Variants in ZNFX1 observed in about 807,000 individuals in gnomAD.
ZNFX1 encodes zinc finger NFX1-type containing 1.
ZNFX1 carries 78 observed loss-of-function variants against 179.8 expected under a neutral mutation model. That is an observed-to-expected ratio of 0.43 (90% CI 0.36 to 0.52). The LOEUF is 0.52. ZNFX1 is among the 20% of genes least tolerant of loss of function. ZNFX1 has a pLI of 0.00. For synonymous variants in ZNFX1, 848 were observed against 868.5 expected (o/e 0.98, Z 0.42); for missense variants, 1,927 against 2,386.6 (o/e 0.81, Z 4.01).
At chr20:49,277,220 G>A (rs576182567) in intron 1 of ZNFX1, among the ~76,000 whole-genome samples, 1 of 152,278 alleles carries the variant, frequency 6.6e-6, no homozygotes, top group East Asian at 1.9e-4. Flanking sequence ...GGAGGCTGAG[G>A]TCGGAGGCAG....
chr20:49,249,444 T>C lies in ZNFX1; in HGVS notation c.3580A>G (p.Ile1194Val), dbSNP rs1361105922. 3.7e-6 allele frequency: 6 copies of C among 1,614,122 alleles called. No homozygotes were observed. In the African/African-American group the frequency reaches 8.0e-5, roughly 22 times the overall value. ...VDKYQGEEND[I>V]ILLSLVRSNQ... is the part of the protein sequence containing the mutation. The stretch of plus-strand genomic sequence containing the variant: ...CTCCGCACTAGCGAGAGGAGGATGA[T>C]GTCATTCTCTTCCCCTTGGTATTTG... Residue 1194 changes from isoleucine to valine, a missense_variant, in exon 14 of 14, where the codon ATC (isoleucine) becomes GTC (valine). By Grantham distance (29) the Ile-to-Val change is conservative. Coordinates refer to ENST00000396105, the MANE Select transcript of ZNFX1 (RefSeq NM_021035.3).
rs779117062 is a variant in ZNFX1 at position 49,260,491 on chromosome 20, A to G, written c.2388T>C (p.Ser796=). The G allele has an allele frequency of 2.5e-6, 4 of 1,613,316 alleles. No individual in the cohort carries two copies. In the South Asian group the frequency reaches 4.4e-5, roughly 18 times the overall value. The change falls in exon 7 of 14, where the codon AGT becomes AGC. Residue 796 remains serine (S), a synonymous_variant. Coordinates refer to ENST00000396105, the MANE Select transcript of ZNFX1 (RefSeq NM_021035.3). ...LGLGVGSFTQ[S]VSPAGPENTA... is the part of the protein sequence containing the mutation. ...TATTCTCAGGTCCTGCTGGAGAAAC[A>G]CTTTGCGTGAAAGAACCGACACCAA...
At chr20:49,260,699 TGG>T in intron 6 of ZNFX1, 122 bp from the exon 7 acceptor site, 1 of 663,598 alleles carries the variant, frequency 1.5e-6, no homozygotes, top group Non-Finnish European at 2.5e-6. Flanking sequence ...CCCAGCAATT[TGG>T]AAGGCCAAGG....
At chr20:49,262,984 C>T (rs1319403814) in intron 6 of ZNFX1, among the ~76,000 whole-genome samples, 2 of 152,140 alleles carry the variant, frequency 1.3e-5, no homozygotes, top group East Asian at 1.9e-4. Context: ...CCTGTAAGAA[C>T]AAAGATCTGT....
chr20:49,257,106 C>T lies in ZNFX1; in HGVS notation c.2664+311G>A, dbSNP rs571491461. Among the ~76,000 whole-genome samples the T allele has an allele frequency of 8.6e-4, 131 of 152,308 alleles. 3 individuals are homozygous for T. The South Asian group carries it at 0.027, about 31-fold the overall frequency. On this transcript the variant is annotated intron_variant, in intron 8 of 13. Coordinates refer to ENST00000396105, the MANE Select transcript of ZNFX1 (RefSeq NM_021035.3). ...ATTTGAAATAGAGAAAACAACACTC[C>T]TGAAGGCATTAAGTACTGAGACCGT...
chr20:49,260,143 G>A (rs1002977192), intron 7 of ZNFX1, among the ~76,000 whole-genome samples: 1 of 151,752 alleles, frequency 6.6e-6, no homozygotes, highest in African/African-American at 2.4e-5. Flanking sequence ...CATTAGCTGC[G>A]CGTGGTGGCA....
In ZNFX1 at chr20:49,255,895, CGAA is replaced by C; in HGVS notation, c.2714_2716del (p.Leu905del). ...GGCTGCAGTCATGGTGTTCAGTTTG[CGAA>C]GCTCATCCTTCACTCTTTTTTTCAT... On this transcript the variant is annotated inframe_deletion, in exon 9 of 14. Transcript: ENST00000396105. The C allele has an allele frequency of 6.2e-7, 1 of 1,614,108 alleles. No individual in the cohort carries two copies. Among genetic ancestry groups the C allele is most frequent in the Non-Finnish European group, 8.5e-7 (1 of 1,179,998 alleles).
chr20:49,248,259 C>T lies in ZNFX1; in HGVS notation c.4765G>A (p.Glu1589Lys), dbSNP rs1350462180. The T allele has an allele frequency of 1.2e-6, 2 of 1,614,144 alleles. No homozygotes were observed. The highest frequency in any genetic ancestry group is 1.1e-5 in the South Asian group (1 of 91,080). Reference protein sequence around the residue: ...DEPDARFVQLEDCSHIFEVQA... With the variant: ...DEPDARFVQLKDCSHIFEVQA... ...ACCTCAAAGATGTGGCTGCAGTCTTCCAGCTGCACAAAGCGGGCATCAGGC... is the reference window on the plus strand; with the variant it reads ...ACCTCAAAGATGTGGCTGCAGTCTTTCAGCTGCACAAAGCGGGCATCAGGC... Residue 1589 changes from glutamate to lysine, a missense_variant, in exon 14 of 14, where the codon GAA (glutamate) becomes AAA (lysine). By Grantham distance (56) the Glu-to-Lys change is moderately conservative. Transcript: ENST00000396105. The surrounding 1 kb of genome is among the most constrained non-coding windows in gnomAD (Gnocchi z 4.6).
chr20:49,268,666 A>G (rs1167561377), intron 3 of ZNFX1, among the ~76,000 whole-genome samples: 1 of 152,206 alleles, frequency 6.6e-6, no homozygotes, highest in African/African-American at 2.4e-5. Context: ...CCCATTAAAA[A>G]ATGAGCAAAG....
chr20:49,253,969 T>C (rs238215), intron 10 of ZNFX1, among the ~76,000 whole-genome samples, 158 bp from the exon 11 acceptor site: 103,987 of 151,848 alleles, frequency 0.68, 36,404 homozygotes, highest in Non-Finnish European at 0.77. Flanking sequence ...ACATTAAAAC[T>C]GTGTTGGTCA....
intron 12 of ZNFX1, 36 bp downstream of exon 12, chr20:49,252,684 T>G (rs775964203): frequency 6.4e-7 from 1 of 1,560,628 alleles, no homozygotes; most frequent in Admixed American, 1.7e-5. Flanking sequence ...AGCTTTCTCC[T>G]GGGCATTTGG....
Position 49,270,825 on chromosome 20 carries a change from A to G in ZNFX1, c.987T>C (p.His329=), listed in dbSNP as rs367991546. 6.5e-5 allele frequency: 105 copies of G among 1,613,978 alleles called. No homozygotes were observed. Among genetic ancestry groups the G allele is most frequent in the Non-Finnish European group, 8.6e-5 (101 of 1,180,018 alleles). ...YTLVQPEAED[H]VESYRTMPIY... ...TGGGCATGGTTCGGTAGCTCTCAAC[A>G]TGGTCTTCTGCCTCAGGCTGCACTA... Residue 329 remains histidine (H), a synonymous_variant, in exon 3 of 14, where the codon CAT becomes CAC. Transcript: ENST00000396105. The surrounding 1 kb of genome is among the most constrained non-coding windows in gnomAD (Gnocchi z 4.6).
chr20:49,247,006 T>C lies in ZNFX1; in HGVS notation c.*261A>G. 2.2e-6 allele frequency: 1 copy of C among 448,230 alleles called. No homozygotes were observed. The highest frequency in any genetic ancestry group is 4.1e-6 in the Non-Finnish European group (1 of 243,058). The allele number at this position is 448,230 out of a possible 1,614,324, so 27.8% of individuals were successfully genotyped here. A position where few individuals can be genotyped will look rare whatever the true frequency, so the allele number is the denominator to read the frequency against. On this transcript the variant is annotated 3_prime_UTR_variant, in exon 14 of 14. Coordinates refer to ENST00000396105, the MANE Select transcript of ZNFX1 (RefSeq NM_021035.3). ...GCCTCAGCCTCCCAAGTAGCTGGGATTACAGGCGCCCGCCATAACGCCCAG... is the reference window on the plus strand; with the variant it reads ...GCCTCAGCCTCCCAAGTAGCTGGGACTACAGGCGCCCGCCATAACGCCCAG...
intron 13 of ZNFX1, 75 bp from the exon 14 acceptor site, chr20:49,249,786 A>G: frequency 6.7e-7 from 1 of 1,490,236 alleles, no homozygotes; most frequent in South Asian, 1.3e-5. Flanking sequence ...CTTGACATGC[A>G]CTGGCCACTT....
rs770926315 is a variant in ZNFX1, at chr20:49,247,891, G to T, written c.5133C>A (p.His1711Gln). Residue 1711 changes from histidine to glutamine, a missense_variant, in exon 14 of 14, where the codon CAC becomes CAA. By Grantham distance (24) the His-to-Gln change is conservative (BLOSUM62 0). Transcript: ENST00000396105. Reference protein sequence around the residue: ...LVENYISFYDHLASLWDSLKK... With the variant: ...LVENYISFYDQLASLWDSLKK... ...TCAGGGAATCCCACAGGCTGGCCAG[G>T]TGGTCATAGAAGCTGATGTAATTCT... 1 of 1,614,164 alleles carries T rather than the reference G, an allele frequency of 6.2e-7. No individual in the cohort carries two copies. Among genetic ancestry groups the T allele is most frequent in the Non-Finnish European group, 8.5e-7 (1 of 1,180,022 alleles).
intron 1 of ZNFX1, among the ~76,000 whole-genome samples, chr20:49,277,042 A>T (rs1981583580): frequency 6.6e-6 from 1 of 152,220 alleles, no homozygotes; most frequent in South Asian, 2.1e-4. Flanking sequence ...AAGGGAAGGA[A>T]GGGAGGAGTA....
chr20:49,270,272 C>T lies in ZNFX1; in HGVS notation c.1540G>A (p.Ala514Thr). The change falls in exon 3 of 14, where the codon GCC becomes ACC. Residue 514 changes from alanine (A) to threonine (T), a missense_variant. Transcript: ENST00000396105. This position sits in a 1 kb window ranked among gnomAD's most constrained non-coding sequence, Gnocchi z 4.6. The part of the protein sequence containing the change: ...LMVETTAYFE[A>T]YRHVLEGLQE... ...AGTCCTTCCAGGACGTGCCTGTAGGCCTCAAAGTATGCAGTTGTCTCTACC... is the reference window on the plus strand; with the variant it reads ...AGTCCTTCCAGGACGTGCCTGTAGGTCTCAAAGTATGCAGTTGTCTCTACC... The T allele has an allele frequency of 6.2e-7, 1 of 1,614,072 alleles. No homozygotes were observed. The highest frequency in any genetic ancestry group is 8.5e-7 in the Non-Finnish European group (1 of 1,180,036).
chr20:49,253,986 G>C (rs1347569679), intron 10 of ZNFX1, among the ~76,000 whole-genome samples, 175 bp from the exon 11 acceptor site: 1 of 152,016 alleles, frequency 6.6e-6, no homozygotes, highest in Non-Finnish European at 1.5e-5. Flanking sequence ...GTCACTGTTG[G>C]AGTTTCAAAC....
intron 1 of ZNFX1, among the ~76,000 whole-genome samples, chr20:49,277,650 T>C (rs1402952977): frequency 7.0e-6 from 1 of 142,182 alleles, no homozygotes; most frequent in Non-Finnish European, 1.5e-5. Context: ...CTAAAGAGAG[T>C]ACAGGGGAGC....
Sources: allele counts gnomAD v4.1 joint callset (sites outside exome capture counted in the v4.1 genomes callset), GRCh38; gene constraint gnomAD v4.1.1; non-coding constraint Gnocchi (gnomAD v3.1); transcripts MANE v1.5; gene names NCBI Gene and HGNC (gene_info 2026-07-23, HGNC 2026-07-21).